SYNE2: variants seen among roughly 807,000 people sequenced by gnomAD.
SYNE2 encodes the protein spectrin repeat containing nuclear envelope protein 2.
A neutral mutation model predicts 856.3 loss-of-function variants in SYNE2; 431 were observed. The observed-to-expected ratio is 0.50, with a 90% CI of 0.47 to 0.55. The LOEUF (loss-of-function observed/expected upper bound fraction) is 0.55, where lower values mean the gene tolerates loss of function less well. Ranked by LOEUF, SYNE2 falls within the 20% of genes least tolerant of loss-of-function variation. The pLI is 0.00. For synonymous variants in SYNE2, 2,923 were observed against 2,872.3 expected (o/e 1.02, Z -0.56); for missense variants, 8,129 against 8,023.2 (o/e 1.01, Z -0.50).
intron 51 of SYNE2, among the ~76,000 whole-genome samples, chr14:64,068,747 A>C (rs1255970): frequency 0.74 from 110,889 of 150,838 alleles, 43,195 homozygotes; most frequent in Non-Finnish European, 0.87. Flanking sequence ...CTGTAATCCC[A>C]GCTGCTCGGG....
chr14:64,121,159 G>A, intron 68 of SYNE2, 98 bp downstream of exon 68: 15 of 1,546,406 alleles, frequency 9.7e-6, no homozygotes, highest in Non-Finnish European at 1.3e-5. Context: ...GGAGGCTGAG[G>A]TGGGAGGATC....
At chr14:63,944,823 G>GCTT (rs2095996177) in intron 6 of SYNE2, among the ~76,000 whole-genome samples, 1 of 65,786 alleles carries the variant, frequency 1.5e-5, no homozygotes, top group African/African-American at 8.9e-5. Flanking sequence ...TGGGCTTAAA[G>GCTT]CTTTTTTTTT....
intron 1 of SYNE2, among the ~76,000 whole-genome samples, chr14:63,788,613 C>T (rs988382013): frequency 1.3e-5 from 2 of 152,088 alleles, no homozygotes; most frequent in African/African-American, 4.8e-5. Context: ...ACGGCTGCAG[C>T]GGCACCCAGG....
intron 106 of SYNE2, among the ~76,000 whole-genome samples, chr14:64,214,676 A>G (rs1049447646): frequency 2.6e-5 from 4 of 152,154 alleles, no homozygotes; most frequent in African/African-American, 9.7e-5. Context: ...AAGGGGGAAA[A>G]AAAATGAAAT....
In SYNE2 at chr14:64,123,703, C is replaced by T. The variant is rs372228451; in HGVS notation, c.13422+1276C>T. On this transcript the variant is annotated intron_variant, in intron 70 of 115. Transcript: ENST00000555002. ...CCCTTCTGAAATCACAGCTCATTTT[C>T]AGTACTTATTTAGCTTTTCAATAAC... 1.7e-4 allele frequency among the ~76,000 whole-genome samples: 26 copies of T among 152,260 alleles called. 1 individual carries two copies. Among genetic ancestry groups the T allele is most frequent in the Middle Eastern group, 3.4e-3 (1 of 294 alleles).
chr14:63,903,122 G>A (rs1443379518), intron 1 of SYNE2, among the ~76,000 whole-genome samples: 1 of 152,124 alleles, frequency 6.6e-6, no homozygotes, highest in East Asian at 1.9e-4. Flanking sequence ...CCCTAGAAAT[G>A]TCAGCAGTTT....
chr14:63,963,486 C>CT (rs2153449617), intron 9 of SYNE2, among the ~76,000 whole-genome samples: 1 of 152,176 alleles, frequency 6.6e-6, no homozygotes, highest in East Asian at 1.9e-4. Flanking sequence ...TAGCTAAAAC[C>CT]TTTGGTAGTG....
chr14:64,202,303 G>A (rs2139975162), intron 99 of SYNE2: 1 of 702,336 alleles, frequency 1.4e-6, no homozygotes, highest in South Asian at 1.5e-5. Flanking sequence ...ACTCAGAGAG[G>A]AGGGTCCCAT....
intron 1 of SYNE2, among the ~76,000 whole-genome samples, chr14:63,891,170 C>A (rs2095121374): frequency 1.3e-5 from 2 of 152,118 alleles, no homozygotes; most frequent in Admixed American, 1.3e-4. Context: ...TTTCCTGTAC[C>A]CTCCTAGGTT....
At chr14:63,959,654 C>G (rs373792589) in intron 8 of SYNE2, among the ~76,000 whole-genome samples, 30 of 152,190 alleles carry the variant, frequency 2.0e-4, no homozygotes, top group African/African-American at 6.7e-4. Context: ...TTGGTTGTTA[C>G]TAATTCTTGT....
chr14:63,811,557 C>T (rs1888616517), intron 1 of SYNE2, among the ~76,000 whole-genome samples: 1 of 152,192 alleles, frequency 6.6e-6, no homozygotes. Context: ...GCCACTGCAC[C>T]CAGCCTTGAG....
At chr14:63,793,063 C>T (rs1488314715) in intron 1 of SYNE2, among the ~76,000 whole-genome samples, 1 of 152,102 alleles carries the variant, frequency 6.6e-6, no homozygotes, top group African/African-American at 2.4e-5. Context: ...CAGAACACTT[C>T]ATTGTTGTTT....
Position 64,024,332 on chromosome 14 carries a change from C to A in SYNE2, c.5713C>A (p.Leu1905Met). The change falls in exon 39 of 116, where the codon CTG (leucine) becomes ATG (methionine). Residue 1905 changes from leucine (L) to methionine (M), a missense_variant. Transcript: ENST00000555002. ...CGTACTGAAGCATGTGAAGAAGCAT[C>A]TGCCCAAAGCACATGTGAAGGAGCT... Reference protein sequence around the residue: ...DSVLKHVKKHLPKAHVKELIS... With the variant: ...DSVLKHVKKHMPKAHVKELIS... The A allele has an allele frequency of 6.2e-7, 1 of 1,614,154 alleles. No homozygotes were observed. Among genetic ancestry groups the A allele is most frequent in the Non-Finnish European group, 8.5e-7 (1 of 1,179,998 alleles).
intron 80 of SYNE2, 68 bp from the exon 81 acceptor site, chr14:64,141,273 G>T: frequency 3.0e-6 from 4 of 1,315,454 alleles, no homozygotes. Context: ...ACTCTAGCCA[G>T]TTATTCCGAC....
chr14:64,170,350 C>A lies in SYNE2; in HGVS notation c.17123C>A (p.Ser5708Tyr). 6.2e-7 allele frequency: 1 copy of A among 1,614,154 alleles called. No individual in the cohort carries two copies. Among genetic ancestry groups the A allele is most frequent in the Non-Finnish European group, 8.5e-7 (1 of 1,180,024 alleles). The change falls in exon 94 of 116, where the codon TCT (serine) becomes TAT (tyrosine). Residue 5708 changes from serine to tyrosine, a missense_variant. By Grantham distance (144) the Ser-to-Tyr change is moderately radical (BLOSUM62 -2). Around this residue, in one of 3 missense-constraint regions of SYNE2, gnomAD observed 5,410 missense variants for 5,284.8 expected, o/e 1.02. Coordinates refer to ENST00000555002, the MANE Select transcript of SYNE2 (RefSeq NM_182914.3). ...LVRQWQDFTT[S>Y]VENLFRFLTD... is the part of the protein sequence containing the mutation. ...AGGCAGTGGCAAGATTTCACTACTTCTGTGGAGAACTTGTTTCGCTTCCTC... is the reference window on the plus strand; with the variant it reads ...AGGCAGTGGCAAGATTTCACTACTTATGTGGAGAACTTGTTTCGCTTCCTC...
intron 84 of SYNE2, among the ~76,000 whole-genome samples, chr14:64,148,083 G>A (rs2098203518): frequency 6.6e-6 from 1 of 152,156 alleles, no homozygotes; most frequent in Non-Finnish European, 1.5e-5. Flanking sequence ...AGGCTGAGGT[G>A]GGAGAATTGC....
At chr14:63,847,682 T>C (rs1464126443) in intron 1 of SYNE2, among the ~76,000 whole-genome samples, 3 of 149,000 alleles carry the variant, frequency 2.0e-5, no homozygotes, top group African/African-American at 7.5e-5. Flanking sequence ...GCCTCCTGGG[T>C]TCAAGTGATT....
At chr14:63,976,474 C>T in intron 11 of SYNE2, 89 bp from the exon 12 acceptor site, 1 of 1,404,242 alleles carries the variant, frequency 7.1e-7, no homozygotes. Flanking sequence ...TCCAGAGAAA[C>T]TTCAAAGAAT....
rs1379383197 is a variant in SYNE2, at chr14:64,053,118, G to A, written c.9205G>A (p.Val3069Ile). ...DLQIKKMTEVVLKAPDSSPES... is the reference protein window; with the variant it reads ...DLQIKKMTEVILKAPDSSPES... ...GCAAATTAAGAAAATGACTGAAGTA[G>A]TACTAAAAGCTCCTGATAGCTCTCC... is the stretch of plus-strand genomic sequence containing the variant. Residue 3069 changes from valine (V) to isoleucine (I), a missense_variant, in exon 48 of 116, where the codon GTA becomes ATA. Transcript: ENST00000555002. 3.1e-6 allele frequency: 5 copies of A among 1,613,942 alleles called. No individual in the cohort carries two copies. Among genetic ancestry groups the A allele is most frequent in the East Asian group, 4.5e-5 (2 of 44,880 alleles).
Sources: allele counts gnomAD v4.1 joint callset (sites outside exome capture counted in the v4.1 genomes callset), GRCh38; gene constraint gnomAD v4.1.1; regional missense constraint gnomAD v4.1.1; transcripts MANE v1.5; gene names NCBI Gene and HGNC (gene_info 2026-07-23, HGNC 2026-07-21).